The following ARHGEF3 variants were observed in gnomAD, a reference collection of about 807,000 sequenced individuals.
ARHGEF3 encodes the protein 59.8 kDA protein.
Under a neutral mutation model 63.2 loss-of-function variants are expected in ARHGEF3, and 28 were observed. The observed-to-expected ratio is 0.44, with a 90% confidence interval of 0.33 to 0.61. The LOEUF (loss-of-function observed/expected upper bound fraction) is 0.61, where lower values mean the gene tolerates loss of function less well. Ranked by LOEUF, ARHGEF3 falls within the 20% of genes least tolerant of loss-of-function variation. The pLI is 0.03. For synonymous variants in ARHGEF3, 266 were observed against 254.2 expected (o/e 1.05, Z -0.44); for missense variants, 533 against 659.3 (o/e 0.81, Z 2.10).
intron 3 of ARHGEF3, among the ~76,000 whole-genome samples, chr3:56,911,746 CGTCCAT>C (rs1290969994): frequency 3.3e-5 from 5 of 152,078 alleles, no homozygotes; most frequent in African/African-American, 1.2e-4. Flanking sequence ...AATCAAACTA[CGTCCAT>C]GTTTACCTCA....
chr3:57,068,525 C>T (rs1579211733), intron 1 of ARHGEF3, among the ~76,000 whole-genome samples: 2 of 152,186 alleles, frequency 1.3e-5, no homozygotes, highest in Admixed American at 6.5e-5. Context: ...CAAGGATTAG[C>T]GAGGCCCTGC....
intron 6 of ARHGEF3, among the ~76,000 whole-genome samples, chr3:56,746,356 T>A (rs890242455): frequency 5.9e-5 from 9 of 152,250 alleles, no homozygotes; most frequent in Non-Finnish European, 1.2e-4. Flanking sequence ...AGACACTCTG[T>A]GTTCTGAATG....
chr3:57,028,091 G>C (rs1364009803), intron 2 of ARHGEF3, among the ~76,000 whole-genome samples: 1 of 150,734 alleles, frequency 6.6e-6, no homozygotes, highest in African/African-American at 2.4e-5. Flanking sequence ...TACACTGTTG[G>C]TGGGACTGTA....
intron 3 of ARHGEF3, among the ~76,000 whole-genome samples, chr3:56,957,541 A>G (rs369955971): frequency 1.9e-4 from 29 of 152,344 alleles, no homozygotes; most frequent in Middle Eastern, 3.4e-3. Flanking sequence ...AGTAGTGAAC[A>G]AGAGAGAAAG....
chr3:57,037,378 A>G (rs1704004516), intron 1 of ARHGEF3, among the ~76,000 whole-genome samples: 1 of 152,212 alleles, frequency 6.6e-6, no homozygotes, highest in Non-Finnish European at 1.5e-5. Context: ...GCTCCTCTGC[A>G]GCATGTAACT....
chr3:57,058,934 T>C (rs1025469671), intron 1 of ARHGEF3, among the ~76,000 whole-genome samples: 8 of 140,104 alleles, frequency 5.7e-5, no homozygotes, highest in Admixed American at 1.6e-4. Context: ...TAGGTGGGAA[T>C]TGAACAATGA....
intron 3 of ARHGEF3, among the ~76,000 whole-genome samples, chr3:56,887,810 T>C (rs932130430): frequency 6.6e-6 from 1 of 152,248 alleles, no homozygotes; most frequent in African/African-American, 2.4e-5. Context: ...TGCTGTAGTC[T>C]CTGCACTCTG....
intron 3 of ARHGEF3, among the ~76,000 whole-genome samples, chr3:56,893,606 G>A (rs1178003583): frequency 1.3e-5 from 2 of 152,062 alleles, no homozygotes; most frequent in Non-Finnish European, 2.9e-5. Flanking sequence ...AGGAGTTCAA[G>A]ACCAGCCTGA....
At chr3:57,039,551 C>G (rs777477012) in intron 1 of ARHGEF3, among the ~76,000 whole-genome samples, 4 of 152,172 alleles carry the variant, frequency 2.6e-5, no homozygotes, top group Non-Finnish European at 5.9e-5. Context: ...TAAAACAGCA[C>G]AAATGTATCT....
chr3:56,929,952 G>C (rs774423628), intron 3 of ARHGEF3, among the ~76,000 whole-genome samples: 12 of 152,078 alleles, frequency 7.9e-5, no homozygotes, highest in Non-Finnish European at 1.8e-4. Flanking sequence ...CAATGCTTTT[G>C]CCAGTGCTCT....
intron 3 of ARHGEF3, among the ~76,000 whole-genome samples, chr3:56,886,938 G>A (rs192387972): frequency 1.8e-4 from 27 of 152,284 alleles, no homozygotes; most frequent in African/African-American, 5.1e-4. Context: ...CCCAGAGTCT[G>A]GGATGGCACA....
intron 1 of ARHGEF3, chr3:57,078,607 G>A (rs1448425610): frequency 3.3e-5 from 5 of 152,280 alleles, no homozygotes; most frequent in African/African-American, 9.6e-5. Context: ...CCACCCTGGT[G>A]TCCTATCTCG....
chr3:56,805,699 G>A (rs985806215), upstream of ARHGEF3, among the ~76,000 whole-genome samples: 4 of 152,082 alleles, frequency 2.6e-5, no homozygotes, highest in African/African-American at 7.2e-5. Context: ...AATACACAGG[G>A]CTACACAACA....
intron 2 of ARHGEF3, among the ~76,000 whole-genome samples, chr3:56,765,570 C>A (rs1332721084): frequency 6.6e-6 from 1 of 152,148 alleles, no homozygotes; most frequent in Non-Finnish European, 1.5e-5. Flanking sequence ...AGCACATATG[C>A]TTGGGTAATT....
At chr3:57,020,665 G>A (rs1429220584) in intron 2 of ARHGEF3, among the ~76,000 whole-genome samples, 3 of 152,206 alleles carry the variant, frequency 2.0e-5, no homozygotes, top group Admixed American at 2.0e-4. Context: ...ACGTTCCTGA[G>A]AATGATTTCA....
intron 3 of ARHGEF3, among the ~76,000 whole-genome samples, chr3:56,903,963 A>G (rs961113503): frequency 6.6e-6 from 1 of 152,130 alleles, no homozygotes; most frequent in Non-Finnish European, 1.5e-5. Flanking sequence ...TCCTTGGCTC[A>G]GGCAATCCTC....
chr3:56,792,113 A>AAAAAAAAAAGAAAAGAAAAG lies in ARHGEF3; in HGVS notation c.96+9589_96+9590insCTTTTCTTTTCTTTTTTTTT, dbSNP rs55899473. On this transcript the variant is annotated intron_variant, in intron 1 of 9. Coordinates refer to ENST00000296315, the MANE Select transcript of ARHGEF3 (RefSeq NM_019555.3). ...AGTGAGACTCTGTCTCAAAAAAAAA[A>AAAAAAAAAAGAAAAGAAAAG]AAAAGAAAAGAAAAGAAAAGAAAAG... 6.3e-3 allele frequency among the ~76,000 whole-genome samples: 886 copies of AAAAAAAAAAGAAAAGAAAAG among 139,894 alleles called. 14 individuals carry two copies. Among genetic ancestry groups the AAAAAAAAAAGAAAAGAAAAG allele is most frequent in the African/African-American group, 0.025 (834 of 33,562 alleles). The allele number at this position is 139,894 out of a possible 152,430, so 91.8% of individuals were successfully genotyped here. A position where few individuals can be genotyped will look rare whatever the true frequency, so the allele number is the denominator to read the frequency against.
intron 2 of ARHGEF3, among the ~76,000 whole-genome samples, chr3:56,768,061 A>G (rs972220920): frequency 1.3e-5 from 2 of 150,384 alleles, no homozygotes; most frequent in Non-Finnish European, 3.0e-5. Flanking sequence ...GCCTCAATAT[A>G]TATATATATT....
At chr3:56,932,610 C>T (rs1490881497) in intron 3 of ARHGEF3, among the ~76,000 whole-genome samples, 1 of 152,152 alleles carries the variant, frequency 6.6e-6, no homozygotes, top group Non-Finnish European at 1.5e-5. Context: ...CATTTTCGTG[C>T]ATAAGTCACA....
Sources: gnomAD v4.1 joint callset for allele counts (sites outside exome capture counted in the v4.1 genomes callset) on GRCh38, gnomAD v4.1.1 for gene constraint, MANE v1.5 for transcripts, NCBI Gene and HGNC (gene_info 2026-07-23, HGNC 2026-07-21) for gene names.